The following AUTS2 variants were observed in gnomAD, a reference collection of about 807,000 sequenced individuals.
AUTS2 encodes the protein autism susceptibility gene 2 protein.
Under a neutral mutation model 112.4 loss-of-function variants are expected in AUTS2, and 17 were observed. The ratio of observed to expected loss-of-function variants is 0.15; its 90% CI spans 0.10 to 0.23. The LOEUF is 0.23. Among genes scored for constraint, AUTS2 ranks in the 10% least tolerant of loss-of-function variants. The pLI, the probability that AUTS2 is intolerant of heterozygous loss-of-function variation, is 1.00. For missense variants in AUTS2, 1,510 were observed against 1,701.6 expected (o/e 0.89, Z 1.98); for synonymous variants, 751 against 702.7 (o/e 1.07, Z -1.09).
intron 4 of AUTS2, among the ~76,000 whole-genome samples, chr7:70,398,957 A>G (rs1231298881): frequency 3.4e-5 from 5 of 148,516 alleles, no homozygotes; most frequent in African/African-American, 9.9e-5. Context: ...TTCTGCAACT[A>G]TGAAGAAAAT....
chr7:70,241,944 T>G (rs1812636762), intron 4 of AUTS2, among the ~76,000 whole-genome samples: 1 of 152,142 alleles, frequency 6.6e-6, no homozygotes, highest in African/African-American at 2.4e-5. Flanking sequence ...TTGGCTGAAG[T>G]GGTAGGAAGT....
chr7:69,895,239 T>A (rs2129539856), intron 1 of AUTS2, among the ~76,000 whole-genome samples: 1 of 152,354 alleles, frequency 6.6e-6, no homozygotes, highest in East Asian at 1.9e-4. Context: ...GGATAGTTTT[T>A]GTCATTTTTC....
At chr7:70,314,165 G>GTC (rs571105209) in intron 4 of AUTS2, among the ~76,000 whole-genome samples, 2 of 152,072 alleles carry the variant, frequency 1.3e-5, no homozygotes, top group East Asian at 1.9e-4. Context: ...CGTGCATGTT[G>GTC]TCTCTCTCTC....
At chr7:69,876,348 AAATATATAT>A (rs1235192651) in intron 1 of AUTS2, among the ~76,000 whole-genome samples, 13 of 62,374 alleles carry the variant, frequency 2.1e-4, no homozygotes, top group African/African-American at 2.6e-4. Flanking sequence ...AAAAAAAAAA[AAATATATAT>A]ATATATATAT....
chr7:70,431,024 A>G (rs528385012), intron 4 of AUTS2, among the ~76,000 whole-genome samples: 1 of 151,798 alleles, frequency 6.6e-6, no homozygotes, highest in Admixed American at 6.5e-5. Flanking sequence ...TTTTTAGTAG[A>G]GACGGGGTTT....
At chr7:70,686,387 C>T (rs1426469154) in intron 5 of AUTS2, among the ~76,000 whole-genome samples, 1 of 152,174 alleles carries the variant, frequency 6.6e-6, no homozygotes, top group Non-Finnish European at 1.5e-5. Context: ...CCTCTCTCCA[C>T]CATCACACAG....
intron 6 of AUTS2, among the ~76,000 whole-genome samples, chr7:70,713,370 A>G (rs1468081535): frequency 6.6e-6 from 1 of 152,232 alleles, no homozygotes; most frequent in Non-Finnish European, 1.5e-5. Flanking sequence ...AAGTGTTTTG[A>G]AATCTTTTTT....
At chr7:70,322,973 C>A (rs1354002486) in intron 4 of AUTS2, among the ~76,000 whole-genome samples, 1 of 152,216 alleles carries the variant, frequency 6.6e-6, no homozygotes, top group Non-Finnish European at 1.5e-5. Context: ...AGCTCAGGCC[C>A]CAGATGGGGG....
intron 1 of AUTS2, among the ~76,000 whole-genome samples, chr7:69,614,784 G>A (rs1041690650): frequency 4.0e-5 from 6 of 150,810 alleles, no homozygotes; most frequent in Admixed American, 3.9e-4. Flanking sequence ...GCGCCCATCT[G>A]AGTGTCCGTA....
Position 70,600,380 on chromosome 7 carries a change from A to T in AUTS2, c.691-98189A>T, listed in dbSNP as rs1055587405. Among the ~76,000 whole-genome samples, 6 of 151,960 alleles carry T rather than the reference A, an allele frequency of 3.9e-5. No individual in the cohort carries two copies. In the South Asian group the frequency reaches 8.3e-4, roughly 21 times the overall value. On this transcript the variant is annotated intron_variant, in intron 5 of 18. Transcript: ENST00000342771. ...AACCTCTTATCTCCTGGGTCAAGGG[A>T]TTCTCTCGCCTCAGCCTCCCGAGTA...
intron 1 of AUTS2, among the ~76,000 whole-genome samples, chr7:69,759,519 G>A (rs956548707): frequency 4.0e-5 from 6 of 151,866 alleles, no homozygotes; most frequent in African/African-American, 7.3e-5. Flanking sequence ...TCAGATTTTC[G>A]GATTAGGGTT....
intron 4 of AUTS2, among the ~76,000 whole-genome samples, chr7:70,397,167 G>A (rs190388126): frequency 1.5e-4 from 23 of 151,740 alleles, no homozygotes; most frequent in Non-Finnish European, 2.6e-4. Context: ...AGGTTCAAGC[G>A]ATTCTTCTGC....
chr7:70,407,339 C>G (rs1286592816), intron 4 of AUTS2, among the ~76,000 whole-genome samples: 9 of 152,156 alleles, frequency 5.9e-5, no homozygotes, highest in Admixed American at 4.6e-4. Context: ...TTTCCAGGCT[C>G]TTTTTTGCAG....
At chr7:70,399,562 T>TTA (rs1213032594) in intron 4 of AUTS2, among the ~76,000 whole-genome samples, 1 of 152,192 alleles carries the variant, frequency 6.6e-6, no homozygotes, top group Admixed American at 6.5e-5. Flanking sequence ...TTGCCAGTCT[T>TTA]TTATAATTTC....
intron 2 of AUTS2, among the ~76,000 whole-genome samples, chr7:69,909,935 A>G (rs1795288413): frequency 6.6e-6 from 1 of 152,234 alleles, no homozygotes; most frequent in Admixed American, 6.5e-5. Context: ...TTTAAAAAAT[A>G]CTATCATCAA....
intron 2 of AUTS2, among the ~76,000 whole-genome samples, chr7:70,087,482 G>A (rs940748547): frequency 1.3e-5 from 2 of 150,580 alleles, no homozygotes; most frequent in Admixed American, 6.7e-5. Flanking sequence ...CAATTCTCCT[G>A]CCTTAGCCTC....
At chr7:70,017,613 A>G (rs1369933207) in intron 2 of AUTS2, among the ~76,000 whole-genome samples, 3 of 152,298 alleles carry the variant, frequency 2.0e-5, no homozygotes, top group East Asian at 3.9e-4. Flanking sequence ...AGCATCTCCC[A>G]CAGGGCCAAG....
chr7:69,883,543 T>G (rs748352216), intron 1 of AUTS2, among the ~76,000 whole-genome samples: 1 of 152,158 alleles, frequency 6.6e-6, no homozygotes, highest in Non-Finnish European at 1.5e-5. Context: ...AATGTTGAAA[T>G]CACCAGAATC....
In AUTS2 at chr7:70,532,101, C is replaced by T. The variant is rs553895567; in HGVS notation, c.690+96320C>T. On this transcript the variant is annotated intron_variant, in intron 5 of 18. Coordinates refer to ENST00000342771, the MANE Select transcript of AUTS2 (RefSeq NM_015570.4). ...CATGTGGCTCTTACCCTTCAGTAGG[C>T]TAACCCAGGCTTCACTGCATGGCAA... 3.3e-5 allele frequency among the ~76,000 whole-genome samples: 5 copies of T among 152,286 alleles called. No homozygotes were observed. The East Asian group carries it at 9.7e-4, about 29-fold the overall frequency.
Sources: allele counts gnomAD v4.1 joint callset (sites outside exome capture counted in the v4.1 genomes callset), GRCh38; gene constraint gnomAD v4.1.1; transcripts MANE v1.5; gene names NCBI Gene and HGNC (gene_info 2026-07-23, HGNC 2026-07-21).